Variants in ATP2B4 observed in about 807,000 individuals in gnomAD.
ATP2B4 encodes ATPase plasma membrane Ca2+ transporting 4.
ATP2B4 carries 39 observed loss-of-function variants against 110.3 expected under a neutral mutation model. That is an observed-to-expected ratio of 0.35 (90% CI 0.27 to 0.46). The LOEUF is 0.46. ATP2B4 is among the 20% of genes least tolerant of loss of function. The probability of loss-of-function intolerance (pLI) is 1.00; values close to 1 mark genes in which losing one functional copy is unlikely to be tolerated. For missense variants in ATP2B4, 1,135 were observed against 1,530.9 expected (o/e 0.74, Z 4.32); for synonymous variants, 538 against 571.7 (o/e 0.94, Z 0.84).
At chr1:203,727,925 C>T (rs1666573416) in intron 20 of ATP2B4, among the ~76,000 whole-genome samples, 1 of 152,202 alleles carries the variant, frequency 6.6e-6, no homozygotes. Flanking sequence ...TCAGTTTTTC[C>T]CTACCCTTCA....
At chr1:203,669,147 A>C (rs1446554081) in intron 1 of ATP2B4, among the ~76,000 whole-genome samples, 1 of 152,176 alleles carries the variant, frequency 6.6e-6, no homozygotes, top group Non-Finnish European at 1.5e-5. Flanking sequence ...TTAAAGTGGT[A>C]TGTATAGGAG....
intron 16 of ATP2B4, 125 bp from the exon 17 acceptor site, chr1:203,721,072 A>T: frequency 1.0e-6 from 1 of 993,000 alleles, no homozygotes; most frequent in Non-Finnish European, 1.5e-6. Flanking sequence ...GCTTTCTCAC[A>T]GTCACTCAGC....
At chr1:203,687,110 A>T (rs1665217381) in intron 2 of ATP2B4, among the ~76,000 whole-genome samples, 1 of 151,240 alleles carries the variant, frequency 6.6e-6, no homozygotes, top group African/African-American at 2.4e-5. Context: ...TAGTAATGTA[A>T]GAGTTACCAT....
intron 1 of ATP2B4, among the ~76,000 whole-genome samples, chr1:203,659,548 T>TA (rs1229189868): frequency 1.3e-5 from 2 of 151,820 alleles, no homozygotes; most frequent in Non-Finnish European, 2.9e-5. Flanking sequence ...CACACCCCTG[T>TA]AGTCCACAAA....
At chr1:203,732,452 T>A (rs1379766564) in intron 20 of ATP2B4, among the ~76,000 whole-genome samples, 1 of 152,182 alleles carries the variant, frequency 6.6e-6, no homozygotes. Flanking sequence ...GGAGCCTACC[T>A]ACTTCAGCCC....
At chr1:203,733,846 T>G (rs1666804093) in intron 20 of ATP2B4, among the ~76,000 whole-genome samples, 2 of 152,124 alleles carry the variant, frequency 1.3e-5, no homozygotes, top group Admixed American at 6.6e-5. Flanking sequence ...TTTCTTTACA[T>G]GGGGGCAAAG....
Position 203,629,548 on chromosome 1 carries a change from C to T in ATP2B4, c.-465+2329C>T, listed in dbSNP as rs1379994388. ...CGGCCAAAGGGGTAATCGGCTCCCGCAGTCTCAGCCCTTCCCCCGGGGCTC... is the reference window on the plus strand; with the variant it reads ...CGGCCAAAGGGGTAATCGGCTCCCGTAGTCTCAGCCCTTCCCCCGGGGCTC... On this transcript the variant is annotated intron_variant, in intron 1 of 20. Transcript: ENST00000357681. This position sits in a 1 kb window ranked among gnomAD's most constrained non-coding sequence, Gnocchi z 4.6. Among the ~76,000 whole-genome samples, 2 of 152,148 alleles carry T rather than the reference C, an allele frequency of 1.3e-5. No individual in the cohort carries two copies. Among genetic ancestry groups the T allele is most frequent in the Non-Finnish European group, 1.5e-5 (1 of 68,020 alleles).
At chr1:203,699,334 C>T in intron 3 of ATP2B4, 126 bp from the exon 4 acceptor site, 1 of 1,273,746 alleles carries the variant, frequency 7.9e-7, no homozygotes, top group Non-Finnish European at 1.1e-6. Flanking sequence ...TTCCAGCCAA[C>T]AGTTGTATTT....
intron 8 of ATP2B4, among the ~76,000 whole-genome samples, chr1:203,706,657 G>C (rs1283168776): frequency 6.6e-6 from 1 of 152,130 alleles, no homozygotes; most frequent in African/African-American, 2.4e-5. Context: ...GGTGGGCGTG[G>C]AATAGGATCA....
At chr1:203,628,333 T>G (rs2102287204) in intron 1 of ATP2B4, among the ~76,000 whole-genome samples, 1 of 152,178 alleles carries the variant, frequency 6.6e-6, no homozygotes, top group African/African-American at 2.4e-5. Flanking sequence ...CTTCTCCAAC[T>G]GGGTGTGGAG....
chr1:203,657,788 A>C, intron 1 of ATP2B4: 1 of 615,698 alleles, frequency 1.6e-6, no homozygotes, highest in South Asian at 2.0e-5. Flanking sequence ...CACCAGGAGT[A>C]GCCCCTGAGG....
rs1410102256 is a variant in ATP2B4, at chr1:203,741,397, A to C, written c.*1543A>C. 6.6e-6 allele frequency: 1 copy of C among 152,502 alleles called. No individual in the cohort carries two copies. The highest frequency in any genetic ancestry group is 6.6e-5 in the Admixed American group (1 of 15,262). 9.4% of individuals were successfully genotyped at this position (152,502 alleles called of 1,614,324 possible). On this transcript the variant is annotated 3_prime_UTR_variant, in exon 21 of 21. Transcript: ENST00000357681. ...TGGGGACTTTGCTAGGAGATTTTTT[A>C]AGTGTTCCTTACTGGGACAACGTGG... is the stretch of plus-strand genomic sequence containing the variant.
chr1:203,644,249 TAA>T (rs3066210), intron 1 of ATP2B4, among the ~76,000 whole-genome samples: 21,132 of 109,468 alleles, frequency 0.19, 1,787 homozygotes, highest in East Asian at 0.32. Flanking sequence ...GACTCCATCT[TAA>T]AAAAAAAAAA....
chr1:203,714,104 C>T (rs949060246), intron 14 of ATP2B4, 67 bp from the exon 15 acceptor site: 44 of 1,375,866 alleles, frequency 3.2e-5, no homozygotes, highest in South Asian at 1.1e-4. Flanking sequence ...GAAGGAGTGG[C>T]GGGTGGTAGG....
intron 1 of ATP2B4, among the ~76,000 whole-genome samples, chr1:203,677,707 G>A (rs1240829639): frequency 1.3e-5 from 2 of 152,186 alleles, no homozygotes; most frequent in African/African-American, 2.4e-5. Flanking sequence ...CAGGTGATCC[G>A]CCCACCTCGG....
chr1:203,656,051 C>A (rs1226476144), intron 1 of ATP2B4, among the ~76,000 whole-genome samples: 2 of 125,370 alleles, frequency 1.6e-5, no homozygotes, highest in Non-Finnish European at 3.5e-5. Context: ...ATTACATGTG[C>A]CACCACGCCC....
chr1:203,701,033 G>C, intron 6 of ATP2B4, 110 bp downstream of exon 6: 2 of 1,370,222 alleles, frequency 1.5e-6, no homozygotes, highest in South Asian at 2.9e-5. Flanking sequence ...CTGCTGCCAT[G>C]AAGAAAGCAG....
rs550453916 is a variant in ATP2B4, at chr1:203,677,414, C to T, written c.-464-5328C>T. ...CCTCGCTTGGAATGAGGGAGACTGA[C>T]TCTAGGTCAGAAAAAAGACTACGGG... On this transcript the variant is annotated intron_variant, in intron 1 of 20. Transcript: ENST00000357681. Among the ~76,000 whole-genome samples the T allele has an allele frequency of 2.4e-4, 37 of 152,120 alleles. 1 individual carries two copies. Among genetic ancestry groups the T allele is most frequent in the Non-Finnish European group, 4.6e-4 (31 of 68,024 alleles).
intron 1 of ATP2B4, among the ~76,000 whole-genome samples, chr1:203,654,819 C>T (rs1390346613): frequency 6.8e-6 from 1 of 147,390 alleles, no homozygotes; most frequent in Non-Finnish European, 1.5e-5. Context: ...CCTGAGAGGT[C>T]GAGGGTGCAG....
Sources: gnomAD v4.1 joint callset for allele counts (sites outside exome capture counted in the v4.1 genomes callset) on GRCh38, gnomAD v4.1.1 for gene constraint, Gnocchi (gnomAD v3.1) non-coding constraint, MANE v1.5 for transcripts, NCBI Gene and HGNC (gene_info 2026-07-23, HGNC 2026-07-21) for gene names.